Variants in PABPC4 observed in about 807,000 individuals in gnomAD.
PABPC4 encodes the protein poly(A) binding protein cytoplasmic 4.
A neutral mutation model predicts 74.5 loss-of-function variants in PABPC4; 15 were observed. That is an observed-to-expected ratio of 0.20 (90% CI 0.13 to 0.31). PABPC4 has a LOEUF of 0.31. Among genes scored for constraint, PABPC4 ranks in the 10% least tolerant of loss-of-function variants. PABPC4 has a pLI of 1.00. For synonymous variants in PABPC4, 345 were observed against 303.0 expected, an observed-to-expected ratio of 1.14 and a Z score of -1.44; for missense variants, 610 against 853.5, an observed-to-expected ratio of 0.71 and a Z score of 3.55.
intron 8 of PABPC4, 114 bp downstream of exon 8, chr1:39,564,992 G>T: frequency 1.7e-6 from 2 of 1,156,180 alleles, no homozygotes; most frequent in Admixed American, 2.1e-5. Flanking sequence ...TTACTTGAAG[G>T]GTCCTTATTG....
Position 39,576,039 on chromosome 1 carries a change from C to CCCGCG in PABPC4, c.-93_-89dup. On this transcript the variant is annotated 5_prime_UTR_variant, in exon 1 of 16. Coordinates refer to ENST00000372858, the MANE Select transcript of PABPC4 (RefSeq NM_001135653.2). ...CAAAGGGGCGCCTTCGGAGCCCGGG[C>CCCGCG]CCGCGCCGCGGCTCACAGGTGGCAC... 2.1e-6 allele frequency: 2 copies of CCCGCG among 975,350 alleles called. No individual in the cohort carries two copies. Among genetic ancestry groups the CCCGCG allele is most frequent in the Admixed American group, 3.4e-5 (1 of 29,134 alleles). 60.4% of individuals were successfully genotyped at this position (975,350 alleles called of 1,614,324 possible).
At position 39,567,010 on chromosome 1, in the gene PABPC4, A is replaced by G. The variant is rs1441904586; in HGVS notation, c.972+741T>C. ...CACGTGGCTTCCCTTCTCATCAACT[A>G]AAGGATTTTGTGGCATCTGGTACAC... On this transcript the variant is annotated intron_variant, in intron 7 of 15. Transcript: ENST00000372858. 2.0e-5 allele frequency among the ~76,000 whole-genome samples: 3 copies of G among 151,544 alleles called. No individual in the cohort carries two copies. In the East Asian group the frequency reaches 5.8e-4, roughly 29 times the overall value.
In PABPC4 at chr1:39,562,106, G is replaced by C; in HGVS notation, c.1860C>G (p.His620Gln). ...LLEIDNSELL[H>Q]MLESPESLRS... ...GGAGAGACTCGGGGGACTCTAACATGTGCAGCAGCTCAGAGTTGTCTATCT... is the reference window on the plus strand; with the variant it reads ...GGAGAGACTCGGGGGACTCTAACATCTGCAGCAGCTCAGAGTTGTCTATCT... Residue 620 changes from histidine to glutamine, a missense_variant, in exon 14 of 16, where the codon CAC (histidine) becomes CAG (glutamine). By Grantham distance (24) the His-to-Gln change is conservative. This residue lies in a region of PABPC4 where 29 missense variants were observed against 51.6 expected (regional missense o/e 0.56). Transcript: ENST00000372858. The C allele has an allele frequency of 6.2e-7, 1 of 1,613,618 alleles. No individual in the cohort carries two copies.
Position 39,563,635 on chromosome 1 carries a change from A to T in PABPC4, c.1647T>A (p.His549Gln), listed in dbSNP as rs377429657. 1 of 1,614,066 alleles carries T rather than the reference A, an allele frequency of 6.2e-7. No homozygotes were observed. Among genetic ancestry groups the T allele is most frequent in the Non-Finnish European group, 8.5e-7 (1 of 1,180,008 alleles). The part of the protein sequence containing the change: ...YKYASSVRSP[H>Q]PAIQPLQAPQ... ...TCACCTGCAGAGGCTGTATGGCAGG[A>T]TGAGGGCTGCGGACACTGGAGGCGT... Residue 549 changes from histidine to glutamine, a missense_variant, in exon 12 of 16, where the codon CAT (histidine) becomes CAA (glutamine). By Grantham distance (24) the His-to-Gln change is conservative. Around this residue, in one of 4 missense-constraint regions of PABPC4, gnomAD observed 277 missense variants for 301.8 expected, o/e 0.92. Coordinates refer to ENST00000372858, the MANE Select transcript of PABPC4 (RefSeq NM_001135653.2).
chr1:39,564,063 G>A (rs994333350), intron 10 of PABPC4, 141 bp from the exon 11 acceptor site: 11 of 698,276 alleles, frequency 1.6e-5, no homozygotes, highest in African/African-American at 1.4e-4. Flanking sequence ...TGAGCCAAAG[G>A]ATAACATACA....
At chr1:39,567,939 C>G in intron 6 of PABPC4, 93 bp from the exon 7 acceptor site, 1 of 688,740 alleles carries the variant, frequency 1.5e-6, no homozygotes, top group South Asian at 1.7e-5. Flanking sequence ...ACCAGGAGCA[C>G]CAGCATCTTT....
At chr1:39,567,300 C>G (rs541612028) in intron 7 of PABPC4, 1 of 456,896 alleles carries the variant, frequency 2.2e-6, no homozygotes, top group South Asian at 1.6e-5. Context: ...CCCCTTTCCT[C>G]TCTTTTTAAG....
intron 6 of PABPC4, 119 bp from the exon 7 acceptor site, chr1:39,567,965 A>G (rs1374917960): frequency 6.3e-6 from 4 of 632,908 alleles, no homozygotes; most frequent in Non-Finnish European, 1.1e-5. Context: ...CTTGTTAGAA[A>G]TGAAATTCTC....
intron 3 of PABPC4, chr1:39,570,591 C>G (rs1490691575): frequency 6.5e-6 from 1 of 154,694 alleles, no homozygotes; most frequent in Non-Finnish European, 1.4e-5. Context: ...ATAGCCAAGA[C>G]TTATTGTCTC....
Position 39,563,600 on chromosome 1 carries a change from C to T in PABPC4, c.1668+14G>A, listed in dbSNP as rs1193397665. 2 of 1,607,612 alleles carry T rather than the reference C, an allele frequency of 1.2e-6. No individual in the cohort carries two copies. Among genetic ancestry groups the T allele is most frequent in the African/African-American group, 1.3e-5 (1 of 74,680 alleles). On this transcript the variant is annotated intron_variant, in intron 12 of 15. Transcript: ENST00000372858. Reference sequence around the variant, plus strand: ...GGGGAAATCCTTTTAAGCATTCTGTCTGGTGAACCTCACCTGCAGAGGCTG... The same window carrying T: ...GGGGAAATCCTTTTAAGCATTCTGTTTGGTGAACCTCACCTGCAGAGGCTG...
chr1:39,567,923 C>T, intron 6 of PABPC4, 77 bp from the exon 7 acceptor site: 1 of 802,864 alleles, frequency 1.2e-6, no homozygotes, highest in Non-Finnish European at 2.1e-6. Flanking sequence ...CCAAGGGTGG[C>T]CCCAGACCAG....
Position 39,564,715 on chromosome 1 carries a change from G to T in PABPC4, c.1304C>A (p.Pro435Gln). The change falls in exon 9 of 16, where the codon CCA (proline) becomes CAA (glutamine). Residue 435 changes from proline (P) to glutamine (Q), a missense_variant. Physicochemically the swap from Pro to Gln is moderately conservative, Grantham distance 76. Transcript: ENST00000372858. ...PNQLAQMRPN[P>Q]RWQQGGRPQG... ...AGGTCTCCCACCTTGCTGCCAGCGT[G>T]GATTAGGCCTCATCTGTGCTAACTG... 1.7e-5 allele frequency: 27 copies of T among 1,614,078 alleles called. No homozygotes were observed. Among genetic ancestry groups the T allele is most frequent in the Non-Finnish European group, 2.3e-5 (27 of 1,179,996 alleles).
chr1:39,574,059 G>A (rs1043582692), intron 1 of PABPC4, among the ~76,000 whole-genome samples: 1 of 152,090 alleles, frequency 6.6e-6, no homozygotes, highest in Non-Finnish European at 1.5e-5. Flanking sequence ...TTAAAGGGGG[G>A]ACAAAATTCC....
intron 5 of PABPC4, 103 bp from the exon 6 acceptor site, chr1:39,569,042 CTA>C (rs961287768): frequency 2.5e-6 from 3 of 1,202,178 alleles, no homozygotes; most frequent in Non-Finnish European, 3.5e-6. Context: ...GGACTAAAAA[CTA>C]AATTCACTCC....
intron 7 of PABPC4, chr1:39,567,522 G>C (rs747844371): frequency 1.6e-6 from 1 of 641,822 alleles, no homozygotes; most frequent in Non-Finnish European, 2.9e-6. Context: ...GAGTTGGCAA[G>C]GAGGGGCTGG....
At chr1:39,569,449 C>T in intron 5 of PABPC4, 146 bp downstream of exon 5, 1 of 650,702 alleles carries the variant, frequency 1.5e-6, no homozygotes, top group Non-Finnish European at 2.8e-6. Context: ...ATGCGGAACC[C>T]AGGAAGATGA....
chr1:39,571,141 G>T, intron 3 of PABPC4, 93 bp downstream of exon 3: 1 of 1,596,814 alleles, frequency 6.3e-7, no homozygotes, highest in Non-Finnish European at 8.5e-7. Context: ...CTTGGGCCGA[G>T]AACCAGTAGC....
intron 2 of PABPC4, 165 bp from the exon 3 acceptor site, chr1:39,571,514 G>A (rs565017793): frequency 5.9e-6 from 4 of 673,002 alleles, no homozygotes; most frequent in South Asian, 3.6e-5. Context: ...CAGGTGCCTA[G>A]TAAGTGTTCC....
At chr1:39,567,997 C>A (rs1339526213) in intron 6 of PABPC4, 151 bp from the exon 7 acceptor site, 6 of 552,850 alleles carry the variant, frequency 1.1e-5, no homozygotes, top group Non-Finnish European at 1.9e-5. Context: ...GTGGCTCACG[C>A]CTGTAATCCC....
Sources: gnomAD v4.1 joint callset for allele counts (sites outside exome capture counted in the v4.1 genomes callset) on GRCh38, gnomAD v4.1.1 for gene constraint, gnomAD v4.1.1 regional missense constraint, MANE v1.5 for transcripts, NCBI Gene and HGNC (gene_info 2026-07-23, HGNC 2026-07-21) for gene names.